The following EOLA2 variants were observed in gnomAD, a reference collection of about 807,000 sequenced individuals.
The protein encoded by EOLA2 is endothelium and lymphocyte associated ASCH domain 2.
In EOLA2, 3 loss-of-function variants were observed where a neutral mutation model predicts 4.1. That is an observed-to-expected ratio of 0.73 (90% CI 0.33 to 1.89). The LOEUF (loss-of-function observed/expected upper bound fraction) is 1.89, where lower values mean the gene tolerates loss of function less well. Among genes scored for constraint, EOLA2 ranks in the 40% most tolerant of loss-of-function variants. The pLI is 0.08. For missense variants in EOLA2, 109 were observed against 126.4 expected, an observed-to-expected ratio of 0.86 and a Z score of 0.66; for synonymous variants, 52 against 51.7, an observed-to-expected ratio of 1.01 and a Z score of -0.03.
chrX:149,934,159 A>C (rs1353083942), intron 2 of EOLA2, 22 bp from the exon 3 acceptor site: 37 of 1,023,991 alleles, frequency 3.6e-5, no homozygotes, highest in Non-Finnish European at 4.6e-5. Context: ...CACAGGCAGG[A>C]TAGCATGTGG....
chrX:149,937,155 T>A (rs2091017589), intron 2 of EOLA2, among the ~76,000 whole-genome samples: 1 of 110,945 alleles, frequency 9.0e-6, no homozygotes, highest in African/African-American at 3.3e-5. Context: ...TGATTATTCT[T>A]CTGATGAGTG....
chrX:149,934,803 G>C (rs191489995), intron 2 of EOLA2, among the ~76,000 whole-genome samples: 41 of 112,419 alleles, frequency 3.6e-4, no homozygotes, highest in East Asian at 1.4e-3. Context: ...TCCTGCGTGT[G>C]TGGCTTGGGA....
chrX:149,930,791 C>T, downstream of EOLA2: 2 of 497,361 alleles, frequency 4.0e-6, no homozygotes, highest in Non-Finnish European at 5.4e-6. Context: ...GCAGGGAGCC[C>T]CCAGTGTTCA....
chrX:149,937,883 CAG>C (rs1315144083), intron 1 of EOLA2, among the ~76,000 whole-genome samples: 2 of 112,833 alleles, frequency 1.8e-5, no homozygotes, highest in Non-Finnish European at 3.8e-5. Context: ...CCACAGGCCA[CAG>C]AGCTATGCAC....
At chrX:149,931,691 A>G (rs1203900609), downstream of EOLA2, among the ~76,000 whole-genome samples, 11 of 80,552 alleles carry the variant, frequency 1.4e-4, no homozygotes, top group Middle Eastern at 5.6e-3. Flanking sequence ...CTGCCATGGG[A>G]TGTACAACCA....
In EOLA2 at chrX:149,933,849, C is replaced by T. The variant is rs1235153320; in HGVS notation, c.26G>A (p.Arg9Gln). The change falls in exon 4 of 5, where the codon CGG becomes CAG. Residue 9 changes from arginine (R) to glutamine (Q), a missense_variant. By Grantham distance (43) the Arg-to-Gln change is conservative. Transcript: ENST00000370406. ...TAAGACAAAGCCAGCATAAGGCTGC[C>T]GGAAGGAGAGGCAGCCAAACTTCAT... MKFGCLSF[R>Q]QPYAGFVLNG... The T allele has an allele frequency of 2.3e-5, 28 of 1,201,785 alleles. No homozygotes were observed. The highest frequency in any genetic ancestry group is 2.8e-5 in the Non-Finnish European group (25 of 890,793).
In EOLA2 at chrX:149,933,879, G is replaced by A. The variant is rs782645159; in HGVS notation, c.-5C>T. On this transcript the variant is annotated 5_prime_UTR_variant, in exon 4 of 5. Transcript: ENST00000370406. ...GGAGAGGCAGCCAAACTTCATCTTC[G>A]CAAGCGCCCCGGGCCTCCCGTAGCC... is the stretch of plus-strand genomic sequence containing the variant. The A allele has an allele frequency of 3.3e-6, 4 of 1,200,373 alleles. No individual in the cohort carries two copies. In the Admixed American group the frequency reaches 8.7e-5, roughly 26 times the overall value.
chrX:149,932,368 C>A lies in EOLA2; in HGVS notation c.*176G>T. On this transcript the variant is annotated 3_prime_UTR_variant, in exon 5 of 5. Transcript: ENST00000370406. ...CAAGGAAAGCCCCACCCCCTACTTC[C>A]TTCATCTGAGCAAAGGAACCTGTTT... 9.7e-7 allele frequency: 1 copy of A among 1,029,390 alleles called. No homozygotes were observed. The highest frequency in any genetic ancestry group is 1.3e-6 in the Non-Finnish European group (1 of 785,259). 84.8% of individuals were successfully genotyped at this position (1,029,390 alleles called of 1,213,427 possible).
chrX:149,933,756 G>A lies in EOLA2; in HGVS notation c.119C>T (p.Ala40Val), dbSNP rs2090926031. The A allele has an allele frequency of 8.3e-7, 1 of 1,206,739 alleles. No individual in the cohort carries two copies. The change falls in exon 4 of 5, where the codon GCC becomes GTC. Residue 40 changes from alanine (A) to valine (V), a missense_variant. By Grantham distance (64) the Ala-to-Val change is moderately conservative (BLOSUM62 0). Coordinates refer to ENST00000370406, the MANE Select transcript of EOLA2 (RefSeq NM_001013845.2). The stretch of plus-strand genomic sequence containing the variant: ...CCAGTCCCTGTGAGCAATGTGGACG[G>A]CGATGGTACAGTTCCGCTGGCTGCT... ...LLSSQRNCTI[A>V]VHIAHRDWEG...
Position 149,932,690 on chromosome X carries a change from C to T in EOLA2, c.331G>A (p.Ala111Thr), listed in dbSNP as rs782266363. Residue 111 changes from alanine to threonine, a missense_variant, in exon 5 of 5, where the codon GCT (alanine) becomes ACT (threonine). Coordinates refer to ENST00000370406, the MANE Select transcript of EOLA2 (RefSeq NM_001013845.2). ...PDEVVELENQ[A>T]ALTNLKQKYL... ...TTCTGCTTCAGGTTGGTCAGTGCAG[C>T]TTGATTTTCTAGTTCCACAACCTCA... 7.4e-6 allele frequency: 9 copies of T among 1,208,401 alleles called. No individual in the cohort carries two copies. The Admixed American group carries it at 8.7e-5, about 12-fold the overall frequency.
intron 1 of EOLA2, among the ~76,000 whole-genome samples, chrX:149,937,948 AG>A (rs2091043417): frequency 3.5e-5 from 4 of 112,855 alleles, no homozygotes; most frequent in Non-Finnish European, 5.6e-5. Context: ...AGCGGGAGGC[AG>A]GGAAGACCGG....
chrX:149,931,572 A>G (rs1450704600), downstream of EOLA2, among the ~76,000 whole-genome samples: 6 of 95,983 alleles, frequency 6.3e-5, no homozygotes, highest in African/African-American at 2.3e-4. Context: ...TTGTTTCCTC[A>G]TGGGTCCCTC....
In EOLA2 at chrX:149,938,323, G is replaced by C. The variant is rs1387889840; in HGVS notation, c.-341C>G. Reference sequence around the variant, plus strand: ...ACCCAGCGAGGCCACCGGAGCCAGCGAGGAGACGTGGGCCGCGGTGAGAAG... The same window carrying C: ...ACCCAGCGAGGCCACCGGAGCCAGCCAGGAGACGTGGGCCGCGGTGAGAAG... On this transcript the variant is annotated 5_prime_UTR_variant, in exon 1 of 5. Transcript: ENST00000370406. 8.9e-6 allele frequency: 1 copy of C among 112,943 alleles called. No individual in the cohort carries two copies. The highest frequency in any genetic ancestry group is 3.2e-5 in the African/African-American group (1 of 31,108). The allele number at this position is 112,943 out of a possible 1,213,427, so 9.3% of individuals were successfully genotyped here. A position where few individuals can be genotyped will look rare whatever the true frequency, so the allele number is the denominator to read the frequency against.
chrX:149,931,008 G>A (rs2090866335), downstream of EOLA2: 3 of 933,571 alleles, frequency 3.2e-6, no homozygotes, highest in East Asian at 4.2e-5. Flanking sequence ...TCAGATAATG[G>A]TAGTGTAATG....
In EOLA2 at chrX:149,933,692, G is replaced by C. The variant is rs139086529; in HGVS notation, c.183C>G (p.Leu61=). 1 of 1,205,799 alleles carries C rather than the reference G, an allele frequency of 8.3e-7. No homozygotes were observed. Among genetic ancestry groups the C allele is most frequent in the African/African-American group, 1.8e-5 (1 of 54,390 alleles). ...CCTGAATCTGAGCAGGAGTCATCCC[G>C]AGTCTCTCCACCAGCAGCTCCCGAC... ...DACRELLVER[L]GMTPAQIQAL... is the part of the protein sequence containing the mutation. Residue 61 remains leucine (L), a synonymous_variant, in exon 4 of 5, where the codon CTC becomes CTG. Transcript: ENST00000370406.
Position 149,933,652 on chromosome X carries a change from CT to C in EOLA2, c.222del (p.Glu76LysfsTer7). ...ATCACTCCTCGACCAAACTTTTCCC[CT>C]TTCCTGAGCAAGGCCTGAATCTGAG... ...TPAQIQALLRKGEKFGRGVIA... is the reference protein window; with the variant it reads ...TPAQIQALLRXGEKFGRGVIA... On this transcript the variant is annotated frameshift_variant, in exon 4 of 5. Coordinates refer to ENST00000370406, the MANE Select transcript of EOLA2 (RefSeq NM_001013845.2). LOFTEE classifies it low-confidence loss of function (END_TRUNC). 8.3e-7 allele frequency: 1 copy of C among 1,207,645 alleles called. No homozygotes were observed. The highest frequency in any genetic ancestry group is 1.1e-6 in the Non-Finnish European group (1 of 894,629).
At chrX:149,936,014 C>CT (rs1248998895) in intron 2 of EOLA2, among the ~76,000 whole-genome samples, 2 of 90,979 alleles carry the variant, frequency 2.2e-5, no homozygotes, top group African/African-American at 8.7e-5. Flanking sequence ...CCACCCCCCC[C>CT]CAGCACTTGT....
chrX:149,937,859 T>C (rs1398416007), intron 1 of EOLA2, among the ~76,000 whole-genome samples: 3 of 112,893 alleles, frequency 2.7e-5, no homozygotes, highest in South Asian at 7.2e-4. Flanking sequence ...GGTTAGGTCA[T>C]GCTGAGCACG....
intron 1 of EOLA2, among the ~76,000 whole-genome samples, chrX:149,937,896 C>T (rs183467193): frequency 8.9e-6 from 1 of 112,900 alleles, no homozygotes; most frequent in Non-Finnish European, 1.9e-5. Flanking sequence ...AGCTATGCAC[C>T]GCCCGGCCTG....
Sources: gnomAD v4.1 joint callset for allele counts (sites outside exome capture counted in the v4.1 genomes callset) on GRCh38, gnomAD v4.1.1 for gene constraint, MANE v1.5 for transcripts, NCBI Gene and HGNC (gene_info 2026-07-23, HGNC 2026-07-21) for gene names.